HEXB: variants seen among roughly 807,000 people sequenced by gnomAD.
HEXB encodes beta-hexosaminidase subunit beta.
Under a neutral mutation model 71.2 loss-of-function variants are expected in HEXB, and 51 were observed. That is an observed-to-expected ratio of 0.72 (90% CI 0.57 to 0.90). The LOEUF (loss-of-function observed/expected upper bound fraction) is 0.90, where lower values mean the gene tolerates loss of function less well. HEXB is among the 40% of genes least tolerant of loss of function. The probability of loss-of-function intolerance (pLI) is 0.00; values close to 1 mark genes in which losing one functional copy is unlikely to be tolerated. For synonymous variants in HEXB, 266 were observed against 249.3 expected, an observed-to-expected ratio of 1.07 and a Z score of -0.63; for missense variants, 617 against 677.0, an observed-to-expected ratio of 0.91 and a Z score of 0.98.
At chr5:74,714,901 AG>A (rs1749635316) in intron 7 of HEXB, among the ~76,000 whole-genome samples, 1 of 152,186 alleles carries the variant, frequency 6.6e-6, no homozygotes, top group African/African-American at 2.4e-5. Flanking sequence ...TGAGCAGAGG[AG>A]TAACATGATG....
intron 1 of HEXB, among the ~76,000 whole-genome samples, chr5:74,651,017 A>G (rs551962195): frequency 1.1e-4 from 17 of 152,160 alleles, no homozygotes; most frequent in African/African-American, 3.6e-4. Flanking sequence ...ACAATGATGT[A>G]ATGTTTGGAT....
rs766197541 is a variant in HEXB, at chr5:74,696,706, T to C, written c.525T>C (p.Phe175=). The C allele has an allele frequency of 1.5e-5, 22 of 1,433,578 alleles. No individual in the cohort carries two copies. The highest frequency in any genetic ancestry group is 1.8e-5 in the Non-Finnish European group (18 of 1,016,752). 88.8% of individuals were successfully genotyped at this position (1,433,578 alleles called of 1,614,324 possible). ...VWGALRGLET[F]SQLVYQDSYG... is the part of the protein sequence containing the mutation. Reference sequence around the variant, plus strand: ...TACTTTCCTCAGGTTTAGAGACCTTTAGCCAGTTAGTTTATCAAGATTCTT... The same window carrying C: ...TACTTTCCTCAGGTTTAGAGACCTTCAGCCAGTTAGTTTATCAAGATTCTT... The change falls in exon 4 of 14, where the codon TTT becomes TTC. Residue 175 remains phenylalanine, a synonymous_variant. Transcript: ENST00000261416.
intron 1 of HEXB, among the ~76,000 whole-genome samples, chr5:74,648,360 A>C (rs145703851): frequency 1.7e-3 from 265 of 152,208 alleles, no homozygotes; most frequent in African/African-American, 6.3e-3. Context: ...TGACTTTTTA[A>C]ATTCTTAATA....
rs1031902352 is a variant in HEXB at position 74,693,845 on chromosome 5, A to G, written c.511+141A>G. The G allele has an allele frequency of 5.5e-6, 4 of 727,364 alleles. No individual in the cohort carries two copies. The African/African-American group carries it at 6.9e-5, about 13-fold the overall frequency. The allele number at this position is 727,364 out of a possible 1,614,324, so 45.1% of individuals were successfully genotyped here. A position where few individuals can be genotyped will look rare whatever the true frequency, so the allele number is the denominator to read the frequency against. ...GTTATGTAGTTCCAAAATGATTTCC[A>G]TTGAACATGTACTACATAAAGCATG... On this transcript the variant is annotated intron_variant, in intron 3 of 13. Coordinates refer to ENST00000261416, the MANE Select transcript of HEXB (RefSeq NM_000521.4).
At chr5:74,669,880 C>T (rs570402314) in intron 1 of HEXB, among the ~76,000 whole-genome samples, 32 of 152,220 alleles carry the variant, frequency 2.1e-4, no homozygotes, top group South Asian at 4.1e-4. Flanking sequence ...AGGTAGTGGG[C>T]GATGCAGAGA....
At chr5:74,695,704 G>C (rs1200468508) in intron 3 of HEXB, among the ~76,000 whole-genome samples, 1 of 151,290 alleles carries the variant, frequency 6.6e-6, no homozygotes, top group African/African-American at 2.4e-5. Flanking sequence ...AGCCGGGCAT[G>C]GTGGTGCACG....
At chr5:74,672,766 C>A (rs775223174) in intron 1 of HEXB, among the ~76,000 whole-genome samples, 1 of 152,190 alleles carries the variant, frequency 6.6e-6, no homozygotes, top group Non-Finnish European at 1.5e-5. Flanking sequence ...TTGTCTATTA[C>A]ATTTCCCAGT....
chr5:74,698,711 C>T (rs1749177474), intron 5 of HEXB, among the ~76,000 whole-genome samples: 1 of 151,858 alleles, frequency 6.6e-6, no homozygotes, highest in Non-Finnish European at 1.5e-5. Flanking sequence ...TTTACATTTA[C>T]ATTAATACTC....
intron 7 of HEXB, 52 bp from the exon 8 acceptor site, chr5:74,715,458 T>C (rs941004041): frequency 5.7e-6 from 7 of 1,238,346 alleles, no homozygotes; most frequent in Non-Finnish European, 7.1e-6. Flanking sequence ...GAAAACCAGA[T>C]CTTTATAATG....
intron 1 of HEXB, among the ~76,000 whole-genome samples, chr5:74,648,231 C>G (rs149784170): frequency 2.6e-4 from 39 of 152,178 alleles, no homozygotes; most frequent in African/African-American, 9.2e-4. Context: ...TATTTAATGC[C>G]TGAGAAACTT....
intron 1 of HEXB, among the ~76,000 whole-genome samples, chr5:74,677,245 A>C (rs749172026): frequency 6.6e-6 from 1 of 152,174 alleles, no homozygotes; most frequent in Non-Finnish European, 1.5e-5. Context: ...GCTAGAAAAA[A>C]ACAAAATAAA....
chr5:74,703,233 G>A (rs997491627), intron 5 of HEXB, among the ~76,000 whole-genome samples: 6 of 152,226 alleles, frequency 3.9e-5, no homozygotes, highest in East Asian at 1.9e-4. Flanking sequence ...GATTACAGGC[G>A]TGAGCCACTG....
chr5:74,696,764 T>G, intron 4 of HEXB, 25 bp downstream of exon 4: 1 of 1,220,340 alleles, frequency 8.2e-7, no homozygotes, highest in African/African-American at 1.5e-5. Flanking sequence ...TATATGTTAC[T>G]AAAAATTGTT....
intron 1 of HEXB, among the ~76,000 whole-genome samples, chr5:74,655,908 A>G (rs4703638): frequency 0.81 from 122,796 of 152,110 alleles, 49,755 homozygotes; most frequent in Admixed American, 0.86. Context: ...TGAGATTCCT[A>G]CTGAGATTAC....
chr5:74,670,524 C>A (rs1580369677), intron 1 of HEXB, among the ~76,000 whole-genome samples: 1 of 152,190 alleles, frequency 6.6e-6, no homozygotes, highest in African/African-American at 2.4e-5. Context: ...TGGCCCTCTG[C>A]CCTCCGCCAG....
intron 11 of HEXB, among the ~76,000 whole-genome samples, chr5:74,719,734 GAGTTCAAGACC>G (rs774931312): frequency 2.0e-5 from 3 of 152,094 alleles, no homozygotes; most frequent in Non-Finnish European, 2.9e-5. Flanking sequence ...ATGAGGTCAG[GAGTTCAAGACC>G]AGCCTGCCTA....
intron 1 of HEXB, among the ~76,000 whole-genome samples, chr5:74,688,885 A>G (rs1284707169): frequency 6.6e-6 from 1 of 152,160 alleles, no homozygotes; most frequent in Admixed American, 6.5e-5. Flanking sequence ...TGCTCTGTCC[A>G]CTTTAGTGTA....
upstream of HEXB, among the ~76,000 whole-genome samples, chr5:74,683,468 T>G (rs1748777220): frequency 6.6e-6 from 1 of 152,066 alleles, no homozygotes; most frequent in African/African-American, 2.4e-5. Flanking sequence ...CACATCCAGC[T>G]AATTTTTGTA....
chr5:74,646,514 C>T (rs1332866874), intron 1 of HEXB, among the ~76,000 whole-genome samples: 1 of 152,022 alleles, frequency 6.6e-6, no homozygotes, highest in Non-Finnish European at 1.5e-5. Flanking sequence ...ATACTGTCTT[C>T]CTGTTTTGTA....
Sources: gnomAD v4.1 joint callset for allele counts (sites outside exome capture counted in the v4.1 genomes callset) on GRCh38, gnomAD v4.1.1 for gene constraint, MANE v1.5 for transcripts, NCBI Gene and HGNC (gene_info 2026-07-23, HGNC 2026-07-21) for gene names.